Variants in TTC29 observed in about 807,000 individuals in gnomAD.
TTC29 encodes tetratricopeptide repeat protein 29.
A neutral mutation model predicts 58.1 loss-of-function variants in TTC29; 49 were observed. The observed-to-expected ratio is 0.84, with a 90% CI of 0.67 to 1.07. The LOEUF is 1.07. TTC29 is among the 50% of genes least tolerant of loss of function. The pLI is 0.00. For synonymous variants in TTC29, 209 were observed against 196.8 expected, an observed-to-expected ratio of 1.06 and a Z score of -0.52; for missense variants, 582 against 555.6, an observed-to-expected ratio of 1.05 and a Z score of -0.48.
chr4:146,930,084 CATATATATATATATATATATAT>C lies in TTC29; in HGVS notation c.176+7488_176+7509del, dbSNP rs70958534. Among the ~76,000 whole-genome samples, 9 of 77,462 alleles carry C rather than the reference CATATATATATATATATATATAT, an allele frequency of 1.2e-4. 1 individual carries two copies. The highest frequency in any genetic ancestry group is 4.5e-4 in the East Asian group (1 of 2,236). 50.8% of individuals were successfully genotyped at this position (77,462 alleles called of 152,430 possible). ...CTACATATATTTGTATGTGTGTGTG[CATATATATATATATATATATAT>C]ATATATATATATACACACATATATA... is the stretch of plus-strand genomic sequence containing the variant. On this transcript the variant is annotated intron_variant, in intron 4 of 12. Transcript: ENST00000325106.
chr4:146,722,150 G>A (rs1743407424), intron 11 of TTC29, among the ~76,000 whole-genome samples: 1 of 152,012 alleles, frequency 6.6e-6, no homozygotes, highest in African/African-American at 2.4e-5. Context: ...GCAAAATACT[G>A]CTCAAAGAAA....
At chr4:146,783,990 CT>C (rs2150091768) in intron 11 of TTC29, among the ~76,000 whole-genome samples, 1 of 151,482 alleles carries the variant, frequency 6.6e-6, no homozygotes, top group African/African-American at 2.4e-5. Context: ...TTTCTAAAGA[CT>C]TGTGAAATCG....
At chr4:146,908,199 T>C (rs553727306) in intron 5 of TTC29, among the ~76,000 whole-genome samples, 245 of 152,268 alleles carry the variant, frequency 1.6e-3, no homozygotes, top group African/African-American at 5.7e-3. Context: ...CATTGTCATG[T>C]TGAGGCCTGA....
intron 11 of TTC29, among the ~76,000 whole-genome samples, chr4:146,732,873 A>G (rs1466751501): frequency 1.3e-5 from 2 of 152,194 alleles, no homozygotes; most frequent in East Asian, 3.8e-4. Context: ...AGAAGTGGCA[A>G]TAAAGTCAAG....
chr4:146,942,783 C>T (rs1197331746), intron 2 of TTC29: 3 of 579,518 alleles, frequency 5.2e-6, no homozygotes, highest in Non-Finnish European at 8.8e-6. Flanking sequence ...AAAAGCCCCA[C>T]TTTACTTGCC....
intron 11 of TTC29, among the ~76,000 whole-genome samples, chr4:146,764,359 A>T (rs1331141298): frequency 2.6e-5 from 4 of 152,100 alleles, no homozygotes; most frequent in African/African-American, 7.2e-5. Flanking sequence ...TACTCGAGAG[A>T]GATGCAGCCT....
chr4:146,864,594 T>C (rs909250140), intron 8 of TTC29, among the ~76,000 whole-genome samples: 2 of 152,192 alleles, frequency 1.3e-5, no homozygotes, highest in Non-Finnish European at 2.9e-5. Flanking sequence ...GCTACAAGTC[T>C]GAAATCAAGG....
chr4:146,939,750 T>G, intron 3 of TTC29, 54 bp downstream of exon 3: 1 of 1,448,894 alleles, frequency 6.9e-7, no homozygotes, highest in Non-Finnish European at 9.4e-7. Flanking sequence ...TTGACATTTC[T>G]TATTACAGAA....
At chr4:146,707,744 T>C (rs1742081004) in intron 11 of TTC29, among the ~76,000 whole-genome samples, 193 bp from the exon 12 acceptor site, 1 of 152,112 alleles carries the variant, frequency 6.6e-6, no homozygotes, top group African/African-American at 2.4e-5. Flanking sequence ...CATGTTCCTG[T>C]ACAGCACGAT....
intron 10 of TTC29, among the ~76,000 whole-genome samples, chr4:146,817,110 G>T (rs1751461272): frequency 6.6e-6 from 1 of 152,252 alleles, no homozygotes; most frequent in African/African-American, 2.4e-5. Flanking sequence ...GGAAATAAAG[G>T]GTATTCAATT....
chr4:146,709,993 C>A (rs943448013), intron 11 of TTC29, among the ~76,000 whole-genome samples: 4 of 152,138 alleles, frequency 2.6e-5, no homozygotes, highest in African/African-American at 9.7e-5. Flanking sequence ...CTGCCTCCCA[C>A]TCATCAGTGC....
At chr4:146,793,910 T>C (rs1749649352) in intron 11 of TTC29, among the ~76,000 whole-genome samples, 1 of 152,172 alleles carries the variant, frequency 6.6e-6, no homozygotes, top group Non-Finnish European at 1.5e-5. Context: ...AACATTTGCA[T>C]GGTTAAATGA....
intron 2 of TTC29, chr4:146,942,957 C>A: frequency 4.9e-6 from 1 of 202,264 alleles, no homozygotes; most frequent in Non-Finnish European, 9.9e-6. Flanking sequence ...GAGCAGCCCC[C>A]AGAGGTGCTG....
At chr4:146,913,740 T>C (rs1041090367) in intron 4 of TTC29, among the ~76,000 whole-genome samples, 1 of 152,142 alleles carries the variant, frequency 6.6e-6, no homozygotes, top group African/African-American at 2.4e-5. Flanking sequence ...CACCATAACC[T>C]TTCAATAAAA....
rs185551027 is a variant in TTC29 at position 146,762,171 on chromosome 4, A to G, written c.1330+41286T>C. On this transcript the variant is annotated intron_variant, in intron 11 of 12. Coordinates refer to ENST00000325106, the MANE Select transcript of TTC29 (RefSeq NM_031956.4). ...AAAATAGAACTGATCTTGAATCCAC[A>G]GAGCTCCATCATTTTCACAAAAACT... 1.7e-3 allele frequency among the ~76,000 whole-genome samples: 265 copies of G among 152,078 alleles called. 1 individual carries two copies. Among genetic ancestry groups the G allele is most frequent in the African/African-American group, 6.1e-3 (253 of 41,560 alleles).
chr4:146,773,076 C>T (rs937944882), intron 11 of TTC29, among the ~76,000 whole-genome samples: 6 of 151,994 alleles, frequency 3.9e-5, no homozygotes, highest in Non-Finnish European at 8.8e-5. Flanking sequence ...TTTTTGTATC[C>T]TGAAACTTTG....
intron 11 of TTC29, among the ~76,000 whole-genome samples, chr4:146,766,473 G>A (rs900359672): frequency 1.3e-5 from 2 of 151,950 alleles, no homozygotes; most frequent in Non-Finnish European, 2.9e-5. Context: ...CAGCTTTATT[G>A]TCTTGCAGGG....
At chr4:146,940,284 C>T (rs1736255955) in intron 2 of TTC29, among the ~76,000 whole-genome samples, 2 of 152,128 alleles carry the variant, frequency 1.3e-5, no homozygotes, top group Non-Finnish European at 2.9e-5. Context: ...TGTTGCTTTC[C>T]TGTTACAATC....
intron 10 of TTC29, among the ~76,000 whole-genome samples, chr4:146,808,719 C>T (rs889818109): frequency 6.6e-6 from 1 of 152,198 alleles, no homozygotes; most frequent in African/African-American, 2.4e-5. Flanking sequence ...CAAACCACTG[C>T]TCAAGGAAAT....
Sources: gnomAD v4.1 joint callset for allele counts (sites outside exome capture counted in the v4.1 genomes callset) on GRCh38, gnomAD v4.1.1 for gene constraint, MANE v1.5 for transcripts, NCBI Gene and HGNC (gene_info 2026-07-23, HGNC 2026-07-21) for gene names.